The following LRP1B variants were observed in gnomAD, a reference collection of about 807,000 sequenced individuals.
LRP1B encodes LDL receptor related protein 1B, also known as low-density lipoprotein receptor-related protein 1B.
In LRP1B, 217 loss-of-function variants were observed where a neutral mutation model predicts 556.6. The ratio of observed to expected loss-of-function variants is 0.39; its 90% CI spans 0.35 to 0.44. LRP1B has a LOEUF of 0.44. Ranked by LOEUF, LRP1B falls within the 20% of genes least tolerant of loss-of-function variation. LRP1B has a pLI of 1.00. For missense variants in LRP1B, 5,053 were observed against 5,620.8 expected (o/e 0.90, Z 3.23); for synonymous variants, 2,047 against 1,865.8 (o/e 1.10, Z -2.50).
chr2:140,611,366 G>T (rs1683066053), intron 41 of LRP1B, among the ~76,000 whole-genome samples: 1 of 152,074 alleles, frequency 6.6e-6, no homozygotes, highest in Non-Finnish European at 1.5e-5. Flanking sequence ...GAAGTGGTGA[G>T]ACTACTCGAA....
At chr2:141,873,735 T>C (rs138336154) in intron 1 of LRP1B, among the ~76,000 whole-genome samples, 5 of 151,850 alleles carry the variant, frequency 3.3e-5, no homozygotes, top group Non-Finnish European at 5.9e-5. Flanking sequence ...AACTGAAAAT[T>C]AAATACATTT....
intron 35 of LRP1B, among the ~76,000 whole-genome samples, chr2:140,757,045 T>G: frequency 6.6e-6 from 1 of 152,176 alleles, no homozygotes; most frequent in East Asian, 1.9e-4. Flanking sequence ...AAATGGCTAA[T>G]AAGCACATTA....
At chr2:140,926,002 T>C (rs1208663005) in intron 20 of LRP1B, among the ~76,000 whole-genome samples, 6 of 152,048 alleles carry the variant, frequency 3.9e-5, no homozygotes, top group African/African-American at 1.4e-4. Flanking sequence ...TTATTCTAAA[T>C]AAATATTTAC....
chr2:141,257,663 T>C (rs1417339578), intron 3 of LRP1B, among the ~76,000 whole-genome samples: 1 of 152,214 alleles, frequency 6.6e-6, no homozygotes, highest in African/African-American at 2.4e-5. Context: ...TTTAGTTTAT[T>C]AGACTTATCC....
intron 7 of LRP1B, among the ~76,000 whole-genome samples, chr2:141,174,927 G>C (rs904691544): frequency 4.6e-5 from 7 of 152,060 alleles, no homozygotes; most frequent in African/African-American, 1.7e-4. Flanking sequence ...GTTTTAGATT[G>C]AGATTAGGAA....
rs953371054 is a variant in LRP1B at position 140,581,791 on chromosome 2, TTC to T, written c.7194+16838_7194+16839del. Among the ~76,000 whole-genome samples the T allele has an allele frequency of 1.8e-4, 28 of 152,208 alleles. 1 individual carries two copies. Among genetic ancestry groups the T allele is most frequent in the African/African-American group, 6.5e-4 (27 of 41,454 alleles). Reference sequence around the variant, plus strand: ...CTCTCCCCCTCTTCTCTCTGTATTTTTCTCTCTCTTTCATTAAGTATCACAGG... The same window carrying T: ...CTCTCCCCCTCTTCTCTCTGTATTTTTCTCTCTTTCATTAAGTATCACAGG... On this transcript the variant is annotated intron_variant, in intron 43 of 90. Coordinates refer to ENST00000389484, the MANE Select transcript of LRP1B (RefSeq NM_018557.3).
At chr2:141,827,895 A>T (rs1367477336) in intron 1 of LRP1B, among the ~76,000 whole-genome samples, 1 of 152,080 alleles carries the variant, frequency 6.6e-6, no homozygotes, top group Non-Finnish European at 1.5e-5. Context: ...ATATTTAGAC[A>T]TATATTTATA....
intron 43 of LRP1B, among the ~76,000 whole-genome samples, chr2:140,555,721 A>G (rs955963496): frequency 6.6e-6 from 1 of 152,074 alleles, no homozygotes; most frequent in Non-Finnish European, 1.5e-5. Flanking sequence ...ATGGATTTTC[A>G]TTTGTAAATT....
intron 1 of LRP1B, among the ~76,000 whole-genome samples, chr2:142,013,301 A>G (rs147212687): frequency 6.6e-6 from 1 of 152,278 alleles, no homozygotes; most frequent in Non-Finnish European, 1.5e-5. Context: ...AACTCTTAAA[A>G]CTGTATAAGC....
chr2:141,098,438 A>C (rs1700374364), intron 7 of LRP1B, among the ~76,000 whole-genome samples: 1 of 152,142 alleles, frequency 6.6e-6, no homozygotes, highest in African/African-American at 2.4e-5. Context: ...TTATTATGTA[A>C]AAGTAAGTAA....
chr2:141,688,758 C>A (rs778246052), intron 2 of LRP1B, among the ~76,000 whole-genome samples: 14 of 151,776 alleles, frequency 9.2e-5, no homozygotes, highest in Non-Finnish European at 1.8e-4. Context: ...AAAGTCATTA[C>A]GTCTATGTAT....
intron 1 of LRP1B, among the ~76,000 whole-genome samples, chr2:141,931,911 T>C (rs1700519088): frequency 6.6e-6 from 1 of 152,008 alleles, no homozygotes; most frequent in Admixed American, 6.6e-5. Context: ...ATGGGCTGTG[T>C]CACTTCGTAA....
intron 72 of LRP1B, among the ~76,000 whole-genome samples, chr2:140,361,885 G>A (rs1030936755): frequency 4.0e-5 from 6 of 151,408 alleles, no homozygotes; most frequent in South Asian, 4.2e-4. Flanking sequence ...ATCTCTACTC[G>A]AATGTCTCCT....
At chr2:141,482,256 G>T (rs1018798682) in intron 2 of LRP1B, among the ~76,000 whole-genome samples, 4 of 152,210 alleles carry the variant, frequency 2.6e-5, no homozygotes, top group African/African-American at 9.6e-5. Context: ...TTTGTTGGAT[G>T]CTAAAACAGC....
At chr2:140,995,481 C>A (rs901396956) in intron 15 of LRP1B, among the ~76,000 whole-genome samples, 1 of 152,040 alleles carries the variant, frequency 6.6e-6, no homozygotes, top group Non-Finnish European at 1.5e-5. Flanking sequence ...AACAATAACA[C>A]AATACCACTT....
chr2:141,179,753 C>G (rs1190459242), intron 7 of LRP1B, among the ~76,000 whole-genome samples: 1 of 151,882 alleles, frequency 6.6e-6, no homozygotes, highest in Non-Finnish European at 1.5e-5. Context: ...ATCCTAAAGT[C>G]AGGCCAAATT....
chr2:142,104,130 C>T (rs1706664213), intron 1 of LRP1B, among the ~76,000 whole-genome samples: 1 of 152,110 alleles, frequency 6.6e-6, no homozygotes, highest in Non-Finnish European at 1.5e-5. Context: ...ATGACACACA[C>T]CTTAGTGGTG....
chr2:141,255,199 G>T (rs1260502850), intron 3 of LRP1B, among the ~76,000 whole-genome samples: 2 of 152,080 alleles, frequency 1.3e-5, no homozygotes, highest in East Asian at 3.9e-4. Flanking sequence ...AGCAAATTAG[G>T]ATTGAATATG....
chr2:142,010,836 G>A (rs998892388), intron 1 of LRP1B, among the ~76,000 whole-genome samples: 12 of 152,092 alleles, frequency 7.9e-5, no homozygotes, highest in African/African-American at 2.7e-4. Flanking sequence ...GAAAGAAGGC[G>A]ACATCATTTT....
Sources: gnomAD v4.1 joint callset for allele counts (sites outside exome capture counted in the v4.1 genomes callset) on GRCh38, gnomAD v4.1.1 for gene constraint, MANE v1.5 for transcripts, NCBI Gene and HGNC (gene_info 2026-07-23, HGNC 2026-07-21) for gene names.